Variants in CABLES1 observed in about 807,000 individuals in gnomAD.
The protein encoded by CABLES1 is CDK5 and ABL1 enzyme substrate 1.
Under a neutral mutation model 57.8 loss-of-function variants are expected in CABLES1, and 36 were observed. The ratio of observed to expected loss-of-function variants is 0.62; its 90% CI spans 0.48 to 0.82. The LOEUF is 0.82. CABLES1 is among the 40% of genes least tolerant of loss of function. The pLI, the probability that CABLES1 is intolerant of heterozygous loss-of-function variation, is 0.00. For synonymous variants in CABLES1, 374 were observed against 363.0 expected (o/e 1.03, Z -0.35); for missense variants, 767 against 836.6 (o/e 0.92, Z 1.03).
At chr18:23,194,861 T>C (rs2047270675) in intron 3 of CABLES1, among the ~76,000 whole-genome samples, 1 of 152,238 alleles carries the variant, frequency 6.6e-6, no homozygotes, top group Non-Finnish European at 1.5e-5. Context: ...GAGTTTTATT[T>C]GTTTATCTGC....
intron 7 of CABLES1, among the ~76,000 whole-genome samples, chr18:23,250,596 T>A (rs1318895357): frequency 6.6e-6 from 1 of 152,108 alleles, no homozygotes; most frequent in East Asian, 1.9e-4. Flanking sequence ...GCCACAGGGG[T>A]CCACTCTGCT....
At chr18:23,253,670 C>T (rs1416361239) in intron 8 of CABLES1, 59 bp from the exon 9 acceptor site, 2 of 1,409,320 alleles carry the variant, frequency 1.4e-6, no homozygotes, top group Non-Finnish European at 2.0e-6. Flanking sequence ...GGGAGTTTTT[C>T]TGTCCACTGA....
chr18:23,181,255 A>G (rs1274723304), intron 1 of CABLES1, among the ~76,000 whole-genome samples: 1 of 152,138 alleles, frequency 6.6e-6, no homozygotes, highest in Non-Finnish European at 1.5e-5. Flanking sequence ...GCACTTTGGG[A>G]GGCCTCGGCG....
intron 1 of CABLES1, among the ~76,000 whole-genome samples, chr18:23,166,079 T>G (rs2047040397): frequency 6.6e-6 from 1 of 152,240 alleles, no homozygotes; most frequent in Non-Finnish European, 1.5e-5. Context: ...TAATCTTTTA[T>G]TGTTTCATGG....
Position 23,257,667 on chromosome 18 carries a change from G to A in CABLES1, c.*300G>A, listed in dbSNP as rs539574035. 104 of 284,812 alleles carry A rather than the reference G, an allele frequency of 3.7e-4. No individual in the cohort carries two copies. The highest frequency in any genetic ancestry group is 5.9e-4 in the Non-Finnish European group (93 of 156,702). 17.6% of individuals were successfully genotyped at this position (284,812 alleles called of 1,614,324 possible). On this transcript the variant is annotated 3_prime_UTR_variant, in exon 10 of 10. Transcript: ENST00000256925. ...CTGCCCCAGCCCAGTCTTTCTCCCC[G>A]GCATTCACAAACTTTGCAAGCGTGG... is the stretch of plus-strand genomic sequence containing the variant.
chr18:23,137,602 A>G (rs1050648571), intron 1 of CABLES1, among the ~76,000 whole-genome samples: 1 of 152,182 alleles, frequency 6.6e-6, no homozygotes, highest in African/African-American at 2.4e-5. Flanking sequence ...GGAAAGAATG[A>G]CTTTCTCTGC....
chr18:23,251,706 C>CT (rs1202246405), intron 7 of CABLES1, among the ~76,000 whole-genome samples: 1 of 152,204 alleles, frequency 6.6e-6, no homozygotes, highest in Non-Finnish European at 1.5e-5. Flanking sequence ...CAAAGACTTA[C>CT]TGGTTACCAT....
chr18:23,257,072 AC>A (rs1279007241), intron 9 of CABLES1, 154 bp from the exon 10 acceptor site: 81 of 799,764 alleles, frequency 1.0e-4, no homozygotes, highest in Non-Finnish European at 1.4e-4. Context: ...GGCAGGAAGC[AC>A]AGCCTGTGCC....
At chr18:23,173,257 C>T (rs1292017247) in intron 1 of CABLES1, among the ~76,000 whole-genome samples, 1 of 152,206 alleles carries the variant, frequency 6.6e-6, no homozygotes, top group Non-Finnish European at 1.5e-5. Context: ...CAGGTCTCTG[C>T]CTTCAAGCCT....
intron 3 of CABLES1, among the ~76,000 whole-genome samples, chr18:23,204,910 G>A (rs1199528644): frequency 1.3e-5 from 2 of 152,202 alleles, no homozygotes; most frequent in African/African-American, 4.8e-5. Context: ...CACAACATGT[G>A]GGAATTATGG....
chr18:23,169,389 C>G (rs999042769), intron 1 of CABLES1, among the ~76,000 whole-genome samples: 5 of 152,146 alleles, frequency 3.3e-5, no homozygotes, highest in African/African-American at 9.7e-5. Flanking sequence ...CTGTTGGGGT[C>G]TGGATCAGGA....
intron 7 of CABLES1, among the ~76,000 whole-genome samples, chr18:23,249,671 G>A (rs1334858872): frequency 6.6e-6 from 1 of 152,106 alleles, no homozygotes; most frequent in Non-Finnish European, 1.5e-5. Context: ...ATCTCATCTC[G>A]TTTTGGAGGA....
chr18:23,200,778 A>G (rs1012809310), intron 3 of CABLES1, among the ~76,000 whole-genome samples: 4 of 152,234 alleles, frequency 2.6e-5, no homozygotes, highest in African/African-American at 7.2e-5. Flanking sequence ...GCAAAATGTC[A>G]GTTTATTCCT....
chr18:23,217,155 C>T (rs1042269431), intron 4 of CABLES1, among the ~76,000 whole-genome samples: 3 of 152,052 alleles, frequency 2.0e-5, no homozygotes, highest in African/African-American at 4.8e-5. Flanking sequence ...AAACATGGCT[C>T]GCTGCAGTCT....
Position 23,236,026 on chromosome 18 carries a change from C to A in CABLES1, c.1317C>A (p.Ser439Arg). ...SHRSLSIGRA[S>R]GTQGSLDTGS... ...GCAGCCTCTCCATAGGCCGGGCAAG[C>A]GGCACCCAGGGGAGCCTCGACACAG... The change falls in exon 6 of 10, where the codon AGC becomes AGA. Residue 439 changes from serine (S) to arginine (R), a missense_variant. Ser to Arg is a moderately radical substitution (Grantham distance 110). Around this residue, in one of 4 missense-constraint regions of CABLES1, gnomAD observed 529 missense variants for 622.8 expected, o/e 0.85. Transcript: ENST00000256925. 1.2e-6 allele frequency: 2 copies of A among 1,614,200 alleles called. No individual in the cohort carries two copies. Among genetic ancestry groups the A allele is most frequent in the African/African-American group, 1.3e-5 (1 of 75,064 alleles).
intron 9 of CABLES1, 154 bp from the exon 10 acceptor site, chr18:23,257,073 C>T: frequency 1.2e-6 from 1 of 803,978 alleles, no homozygotes; most frequent in Non-Finnish European, 1.9e-6. Flanking sequence ...GCAGGAAGCA[C>T]AGCCTGTGCC....
At chr18:23,241,302 G>C (rs1196692161) in intron 7 of CABLES1, among the ~76,000 whole-genome samples, 2 of 151,902 alleles carry the variant, frequency 1.3e-5, no homozygotes, top group Admixed American at 1.3e-4. Flanking sequence ...TGGGTAAGGT[G>C]GGGGGATCAC....
chr18:23,187,424 G>A (rs912843154), intron 1 of CABLES1, among the ~76,000 whole-genome samples: 3 of 152,172 alleles, frequency 2.0e-5, no homozygotes, highest in Non-Finnish European at 4.4e-5. Flanking sequence ...GTCTCGCTCT[G>A]TCTCCAGGCT....
chr18:23,165,389 G>A lies in CABLES1; in HGVS notation c.846-23449G>A, dbSNP rs115924466. On this transcript the variant is annotated intron_variant, in intron 1 of 9. Transcript: ENST00000256925. The stretch of plus-strand genomic sequence containing the variant: ...CTGAGATTACAAGGTGTAAGCCACT[G>A]TGACTGGCCCTTTTAACCATTTTAA... Among the ~76,000 whole-genome samples, 575 of 152,268 alleles carry A rather than the reference G, an allele frequency of 3.8e-3. 2 individuals are homozygous for A. The highest frequency in any genetic ancestry group is 0.013 in the African/African-American group (539 of 41,548).
Sources: gnomAD v4.1 joint callset for allele counts (sites outside exome capture counted in the v4.1 genomes callset) on GRCh38, gnomAD v4.1.1 for gene constraint, gnomAD v4.1.1 regional missense constraint, MANE v1.5 for transcripts, NCBI Gene and HGNC (gene_info 2026-07-23, HGNC 2026-07-21) for gene names.